ZNF76: variants seen among roughly 807,000 people sequenced by gnomAD.
ZNF76 encodes zinc finger protein 523.
Under a neutral mutation model 66.9 loss-of-function variants are expected in ZNF76, and 66 were observed. That is an observed-to-expected ratio of 0.99 (90% CI 0.81 to 1.21). The LOEUF (loss-of-function observed/expected upper bound fraction) is 1.21. Among genes scored for constraint, ZNF76 ranks in the 50% most tolerant of loss-of-function variants. The probability of loss-of-function intolerance (pLI) is 0.00; values close to 1 mark genes in which losing one functional copy is unlikely to be tolerated. For synonymous variants in ZNF76, 275 were observed against 296.1 expected, an observed-to-expected ratio of 0.93 and a Z score of 0.73; for missense variants, 729 against 760.3, an observed-to-expected ratio of 0.96 and a Z score of 0.48.
rs1282066810 is a variant in ZNF76, at chr6:35,292,924, G to C, written c.1209G>C (p.Arg403=). The C allele has an allele frequency of 6.2e-7, 1 of 1,614,222 alleles. No homozygotes were observed. The highest frequency in any genetic ancestry group is 8.5e-7 in the Non-Finnish European group (1 of 1,180,044). ...AEESPPPKRP[R]IAYLSEVKEE... The stretch of plus-strand genomic sequence containing the variant: ...AGAGTCCGCCACCCAAACGACCCCG[G>C]ATAGCTTACCTTTCGGAGGTGAAGG... The change falls in exon 11 of 14, where the codon CGG becomes CGC. Residue 403 remains arginine (R), a synonymous_variant. Coordinates refer to ENST00000373953, the MANE Select transcript of ZNF76 (RefSeq NM_003427.5). The surrounding 1 kb of genome is among the most constrained non-coding windows in gnomAD (Gnocchi z 4.7).
rs1790489557 is a variant in ZNF76, at chr6:35,292,153, C to T, written c.932-401C>T. On this transcript the variant is annotated intron_variant, in intron 9 of 13. Transcript: ENST00000373953. The surrounding 1 kb of genome is among the most constrained non-coding windows in gnomAD (Gnocchi z 4.7). ...CCCTCCCCAGTGTTATGCCCCTCAT[C>T]CAGCTTTCTGTGTTGTGTCTCAGCA... The T allele has an allele frequency of 2.5e-6, 1 of 401,996 alleles. No homozygotes were observed. The highest frequency in any genetic ancestry group is 4.7e-6 in the Non-Finnish European group (1 of 213,448). 24.9% of individuals were successfully genotyped at this position (401,996 alleles called of 1,614,324 possible). A position where few individuals can be genotyped will look rare whatever the true frequency, so the allele number is the denominator to read the frequency against.
Position 35,291,351 on chromosome 6 carries a change from C to T in ZNF76, c.699C>T (p.Ser233=), listed in dbSNP as rs1790349960. The change falls in exon 8 of 14, where the codon AGC becomes AGT. Residue 233 remains serine (S), a synonymous_variant. Coordinates refer to ENST00000373953, the MANE Select transcript of ZNF76 (RefSeq NM_003427.5). ...ACAAGTGCCCAGAGGAGCTGTGCAG[C>T]AAGGCCTTCAAGACCTCAGGAGACC... The part of the protein sequence containing the change: ...KPYKCPEELC[S]KAFKTSGDLQ... 2 of 1,614,136 alleles carry T rather than the reference C, an allele frequency of 1.2e-6. No homozygotes were observed. The highest frequency in any genetic ancestry group is 4.5e-5 in the East Asian group (2 of 44,864).
At chr6:35,269,280 C>CAA (rs10615994) in intron 1 of ZNF76, among the ~76,000 whole-genome samples, 7,363 of 80,772 alleles carry the variant, frequency 0.091, 688 homozygotes, top group Admixed American at 0.17. Flanking sequence ...GACTCTGTCT[C>CAA]AAAAAAAAAA....
chr6:35,287,769 T>C lies in ZNF76; in HGVS notation c.356T>C (p.Leu119Ser), dbSNP rs34368976. ...CTGGCCGTACAGACAGAGGTGGGCTTGGAGGACCTGGCAGCAGAGGATGAT... is the reference window on the plus strand; with the variant it reads ...CTGGCCGTACAGACAGAGGTGGGCTCGGAGGACCTGGCAGCAGAGGATGAT... The part of the protein sequence containing the change: ...TILAVQTEVG[L>S]EDLAAEDDEG... The change falls in exon 5 of 14, where the codon TTG (leucine) becomes TCG (serine). Residue 119 changes from leucine (L) to serine (S), a missense_variant. Physicochemically the swap from Leu to Ser is moderately radical, Grantham distance 145. Coordinates refer to ENST00000373953, the MANE Select transcript of ZNF76 (RefSeq NM_003427.5). The surrounding 1 kb of genome is among the most constrained non-coding windows in gnomAD (Gnocchi z 4.0). 1.4e-3 allele frequency: 2,220 copies of C among 1,614,082 alleles called. 33 individuals are homozygous for C. The African/African-American group carries it at 0.027, about 20-fold the overall frequency.
At chr6:35,291,122 G>T in intron 7 of ZNF76, 156 bp from the exon 8 acceptor site, 1 of 921,460 alleles carries the variant, frequency 1.1e-6, no homozygotes, top group South Asian at 1.7e-5. Context: ...AGGGCAGAGT[G>T]GGCTTTTCCA....
chr6:35,278,064 G>A (rs191820828), intron 1 of ZNF76, among the ~76,000 whole-genome samples: 36 of 152,270 alleles, frequency 2.4e-4, no homozygotes, highest in African/African-American at 8.4e-4. Context: ...CACCCTGTTA[G>A]TCAGGATGGT....
At chr6:35,265,481 T>TGG (rs1785870806) in intron 1 of ZNF76, among the ~76,000 whole-genome samples, 1 of 141,544 alleles carries the variant, frequency 7.1e-6, no homozygotes, top group Non-Finnish European at 1.5e-5. Context: ...CACTCCAGCC[T>TGG]GGGCGACAGA....
At chr6:35,261,536 G>C (rs950076979) in intron 1 of ZNF76, among the ~76,000 whole-genome samples, 4 of 151,786 alleles carry the variant, frequency 2.6e-5, no homozygotes, top group African/African-American at 9.7e-5. Flanking sequence ...GTTGGTTTCA[G>C]AGAAATGAAC....
chr6:35,290,357 T>C lies in ZNF76; in HGVS notation c.524T>C (p.Leu175Pro). Residue 175 changes from leucine to proline, a missense_variant, in exon 6 of 14, where the codon CTC becomes CCC. Transcript: ENST00000373953. ...FRCGYKGCGR[L>P]YTTAHHLKVH... The stretch of plus-strand genomic sequence containing the variant: ...TGTGGCTACAAGGGCTGTGGGCGTC[T>C]CTACACCACCGCTCATCACTTAAAG... 1 of 1,614,180 alleles carries C rather than the reference T, an allele frequency of 6.2e-7. No individual in the cohort carries two copies. The highest frequency in any genetic ancestry group is 1.1e-5 in the South Asian group (1 of 91,082).
chr6:35,262,194 T>C (rs1226615201), intron 1 of ZNF76, among the ~76,000 whole-genome samples: 1 of 152,210 alleles, frequency 6.6e-6, no homozygotes, highest in Non-Finnish European at 1.5e-5. Context: ...CTCTTCTCTG[T>C]GTCCCTGTGT....
rs1169142882 is a variant in ZNF76, at chr6:35,294,254, C to G, written c.1495-202C>G. The G allele has an allele frequency of 6.8e-6, 4 of 588,582 alleles. No individual in the cohort carries two copies. In the East Asian group the frequency reaches 8.5e-5, roughly 13 times the overall value. 36.5% of individuals were successfully genotyped at this position (588,582 alleles called of 1,614,324 possible). ...CTCTGTCCTTCTGTGATTCAAAATC[C>G]CTAAATTAAATTGGGCTCTAAGTTG... On this transcript the variant is annotated intron_variant, in intron 12 of 13. Coordinates refer to ENST00000373953, the MANE Select transcript of ZNF76 (RefSeq NM_003427.5).
intron 13 of ZNF76, 79 bp from the exon 14 acceptor site, chr6:35,295,062 AAGT>A (rs1790998394): frequency 3.6e-6 from 4 of 1,123,260 alleles, no homozygotes; most frequent in Non-Finnish European, 2.6e-6. Context: ...TCAAAAAAAA[AAGT>A]AGGCCACATA....
intron 1 of ZNF76, among the ~76,000 whole-genome samples, chr6:35,272,017 A>G (rs1787146876): frequency 6.6e-6 from 1 of 152,010 alleles, no homozygotes; most frequent in Admixed American, 6.6e-5. Flanking sequence ...AGGTGGGAGG[A>G]TCGTTTGAGC....
intron 1 of ZNF76, among the ~76,000 whole-genome samples, chr6:35,261,802 A>G (rs181217062): frequency 4.5e-4 from 68 of 152,296 alleles, no homozygotes; most frequent in African/African-American, 1.5e-3. Context: ...GGCGTGAGCC[A>G]CCAAGACTGG....
At chr6:35,273,722 C>CA (rs35149897) in intron 1 of ZNF76, among the ~76,000 whole-genome samples, 102,081 of 130,030 alleles carry the variant, frequency 0.79, 39,615 homozygotes, top group Non-Finnish European at 0.84. Flanking sequence ...CTCCATCTCA[C>CA]AAAAAAAAAA....
chr6:35,293,710 T>C (rs772940292), intron 11 of ZNF76, 41 bp from the exon 12 acceptor site: 2 of 1,605,704 alleles, frequency 1.2e-6, no homozygotes, highest in South Asian at 1.1e-5. Context: ...CAGACAACCC[T>C]CCACTGACAC....
Position 35,281,137 on chromosome 6 carries a change from G to A in ZNF76, c.-15G>A, listed in dbSNP as rs201061431. 34 of 1,613,930 alleles carry A rather than the reference G, an allele frequency of 2.1e-5. No homozygotes were observed. Among genetic ancestry groups the A allele is most frequent in the Admixed American group, 5.0e-5 (3 of 60,026 alleles). ...AAGCCAACTTCATGTCTGAGTGCAC[G>A]AGCAGCAGTTTGCCATGGAGAGCTT... On this transcript the variant is annotated 5_prime_UTR_variant, in exon 2 of 14. Transcript: ENST00000373953.
intron 1 of ZNF76, among the ~76,000 whole-genome samples, chr6:35,273,477 A>G (rs564876078): frequency 1.3e-5 from 2 of 151,668 alleles, no homozygotes; most frequent in East Asian, 4.1e-4. Flanking sequence ...CTGGCCAGAC[A>G]TTGATTTTTA....
At chr6:35,280,873 CT>C (rs1198325173) in intron 1 of ZNF76, among the ~76,000 whole-genome samples, 182 bp from the exon 2 acceptor site, 2 of 152,170 alleles carry the variant, frequency 1.3e-5, no homozygotes, top group African/African-American at 4.8e-5. Context: ...CTATGCTTAA[CT>C]TTTAGAATTC....
Sources: gnomAD v4.1 joint callset for allele counts (sites outside exome capture counted in the v4.1 genomes callset) on GRCh38, gnomAD v4.1.1 for gene constraint, Gnocchi (gnomAD v3.1) non-coding constraint, MANE v1.5 for transcripts, NCBI Gene and HGNC (gene_info 2026-07-23, HGNC 2026-07-21) for gene names.